Variants in SHISA9 observed in about 807,000 individuals in gnomAD.
The protein encoded by SHISA9 is shisa family member 9.
In SHISA9, 13 loss-of-function variants were observed where a neutral mutation model predicts 38.0. That is an observed-to-expected ratio of 0.34 (90% CI 0.22 to 0.54). SHISA9 has a LOEUF of 0.54. Among genes scored for constraint, SHISA9 ranks in the 20% least tolerant of loss-of-function variants. The probability of loss-of-function intolerance (pLI) is 0.91; values close to 1 mark genes in which losing one functional copy is unlikely to be tolerated. For missense variants in SHISA9, 538 were observed against 575.8 expected (o/e 0.93, Z 0.67); for synonymous variants, 275 against 242.0 (o/e 1.14, Z -1.27).
intron 2 of SHISA9, among the ~76,000 whole-genome samples, chr16:13,195,420 G>T (rs1231137072): frequency 2.0e-5 from 3 of 152,172 alleles, no homozygotes; most frequent in Non-Finnish European, 4.4e-5. Flanking sequence ...ACACTGATAT[G>T]AATACATGAT....
At chr16:13,136,670 G>A (rs1389779193) in intron 2 of SHISA9, among the ~76,000 whole-genome samples, 1 of 152,104 alleles carries the variant, frequency 6.6e-6, no homozygotes, top group Non-Finnish European at 1.5e-5. Context: ...AAAGTTCTGG[G>A]ATTACAGGCG....
At chr16:12,910,366 C>G (rs4780481) in intron 1 of SHISA9, 72,024 of 570,890 alleles carry the variant, frequency 0.13, 4,969 homozygotes, top group South Asian at 0.27. Flanking sequence ...TTATGCCCAA[C>G]ACTGTGCTGA....
chr16:13,242,531 C>G (rs755595185), downstream of SHISA9, among the ~76,000 whole-genome samples: 53 of 152,188 alleles, frequency 3.5e-4, no homozygotes, highest in Non-Finnish European at 6.6e-4. Context: ...CAGGAACTCT[C>G]ATCATCCGGC....
chr16:13,028,140 T>C (rs1047075445), intron 2 of SHISA9, among the ~76,000 whole-genome samples: 2 of 152,120 alleles, frequency 1.3e-5, no homozygotes, highest in Admixed American at 6.5e-5. Context: ...CATGGTGGTC[T>C]TGACTGTATG....
Position 12,947,259 on chromosome 16 carries a change from C to T in SHISA9, c.691+30444C>T, listed in dbSNP as rs893938925. On this transcript the variant is annotated intron_variant, in intron 2 of 4. Coordinates refer to ENST00000558583, the MANE Select transcript of SHISA9 (RefSeq NM_001145204.3). The stretch of plus-strand genomic sequence containing the variant: ...AAGGTATATGACTGTAGCAAACAAG[C>T]GTGATAAGGTACAGATCCTTCTCTC... Among the ~76,000 whole-genome samples the T allele has an allele frequency of 5.9e-5, 9 of 152,088 alleles. No individual in the cohort carries two copies. The East Asian group carries it at 7.7e-4, about 13-fold the overall frequency.
the SHISA9 span, among the ~76,000 whole-genome samples, chr16:13,529,621 C>A: frequency 6.6e-6 from 1 of 152,368 alleles, no homozygotes; most frequent in Admixed American, 6.5e-5. Context: ...CCCTGGGCTG[C>A]AGTCACGCAT....
chr16:13,196,708 T>G (rs1349192654), intron 2 of SHISA9, among the ~76,000 whole-genome samples: 1 of 152,224 alleles, frequency 6.6e-6, no homozygotes, highest in African/African-American at 2.4e-5. Flanking sequence ...ATAGGGAAAC[T>G]GGGTCTGGAG....
the SHISA9 span, among the ~76,000 whole-genome samples, chr16:13,284,689 C>T: frequency 0.018 from 2,814 of 152,314 alleles, 38 homozygotes; most frequent in Non-Finnish European, 0.028. Context: ...CCTCCGCCTC[C>T]TGGGTTCAAG....
chr16:13,341,223 A>G, the SHISA9 span, among the ~76,000 whole-genome samples: 1 of 151,976 alleles, frequency 6.6e-6, no homozygotes, highest in East Asian at 1.9e-4. Context: ...CTACCAGGTG[A>G]AAGTCCACAA....
At chr16:12,935,302 A>G (rs1469250328) in intron 2 of SHISA9, among the ~76,000 whole-genome samples, 1 of 152,228 alleles carries the variant, frequency 6.6e-6, no homozygotes, top group Non-Finnish European at 1.5e-5. Context: ...CTCTGCATTT[A>G]TGTATATCTT....
the SHISA9 span, among the ~76,000 whole-genome samples, chr16:13,407,969 T>C: frequency 6.6e-6 from 1 of 152,170 alleles, no homozygotes. Flanking sequence ...AGATGTCTTA[T>C]TATATGAGAG....
chr16:12,908,465 C>T (rs1003855688), intron 1 of SHISA9: 2 of 1,551,894 alleles, frequency 1.3e-6, no homozygotes, highest in Non-Finnish European at 1.7e-6. Flanking sequence ...TCATACCCTT[C>T]CCCCATGAGG....
At chr16:13,072,650 T>A (rs1400794792) in intron 2 of SHISA9, among the ~76,000 whole-genome samples, 2 of 152,158 alleles carry the variant, frequency 1.3e-5, no homozygotes, top group African/African-American at 4.8e-5. Flanking sequence ...TTATTTTATT[T>A]TAAAAAAGTA....
At chr16:13,164,651 T>A (rs2050621274) in intron 2 of SHISA9, among the ~76,000 whole-genome samples, 1 of 152,140 alleles carries the variant, frequency 6.6e-6, no homozygotes, top group Admixed American at 6.6e-5. Flanking sequence ...CTCTAGGTAT[T>A]GCTATAACTG....
At chr16:12,966,494 A>G (rs1484047406) in intron 2 of SHISA9, among the ~76,000 whole-genome samples, 1 of 152,116 alleles carries the variant, frequency 6.6e-6, no homozygotes, top group African/African-American at 2.4e-5. Flanking sequence ...GGATCAAGCA[A>G]TCTTCCTGCC....
Position 13,008,667 on chromosome 16 carries a change from CTCCCTCCCTCCCTCT to C in SHISA9, c.691+91853_691+91867del, listed in dbSNP as rs1567179944. 1.8e-3 allele frequency among the ~76,000 whole-genome samples: 245 copies of C among 133,324 alleles called. 3 individuals are homozygous for C. The highest frequency in any genetic ancestry group is 7.9e-3 in the East Asian group (34 of 4,298). 87.5% of individuals were successfully genotyped at this position (133,324 alleles called of 152,430 possible). ...CCTCCCTCCCTCCCTCCCTCCCTTC[CTCCCTCCCTCCCTCT>C]CTCTCTCTCTCTTTCCTGGCACCTT... On this transcript the variant is annotated intron_variant, in intron 2 of 4. Coordinates refer to ENST00000558583, the MANE Select transcript of SHISA9 (RefSeq NM_001145204.3).
chr16:13,330,978 G>A, the SHISA9 span, among the ~76,000 whole-genome samples: 4 of 152,118 alleles, frequency 2.6e-5, no homozygotes, highest in African/African-American at 4.8e-5. Context: ...TGATCCTAGC[G>A]CCCAGCCTAT....
At chr16:13,529,305 C>G in the SHISA9 span, among the ~76,000 whole-genome samples, 1 of 152,196 alleles carries the variant, frequency 6.6e-6, no homozygotes, top group South Asian at 2.1e-4. Flanking sequence ...GCAACTCAAC[C>G]CTGGCATAGC....
At chr16:13,248,123 C>A in the SHISA9 span, among the ~76,000 whole-genome samples, 1 of 152,100 alleles carries the variant, frequency 6.6e-6, no homozygotes, top group Admixed American at 6.5e-5. Flanking sequence ...GGTCTTAAAG[C>A]CTTTCTCTTG....
Sources: gnomAD v4.1 joint callset for allele counts (sites outside exome capture counted in the v4.1 genomes callset) on GRCh38, gnomAD v4.1.1 for gene constraint, MANE v1.5 for transcripts, NCBI Gene and HGNC (gene_info 2026-07-23, HGNC 2026-07-21) for gene names.